The following DTWD2 variants were observed in gnomAD, a reference collection of about 807,000 sequenced individuals.
The protein encoded by DTWD2 is tRNA-uridine aminocarboxypropyltransferase 2.
Under a neutral mutation model 31.8 loss-of-function variants are expected in DTWD2, and 39 were observed. The ratio of observed to expected loss-of-function variants is 1.22; its 90% CI spans 0.95 to 1.60. DTWD2 has a LOEUF of 1.60. DTWD2 is among the 40% of genes most tolerant of loss of function. The pLI is 0.00. For synonymous variants in DTWD2, 180 were observed against 142.8 expected, an observed-to-expected ratio of 1.26 and a Z score of -1.86; for missense variants, 515 against 381.5, an observed-to-expected ratio of 1.35 and a Z score of -2.92.
chr5:118,957,713 C>T (rs1390334800), intron 1 of DTWD2, among the ~76,000 whole-genome samples: 1 of 152,156 alleles, frequency 6.6e-6, no homozygotes, highest in Non-Finnish European at 1.5e-5. Flanking sequence ...GAGACTTGTG[C>T]CCCAGAGGGC....
intron 4 of DTWD2, among the ~76,000 whole-genome samples, chr5:118,923,500 T>C (rs1357686352): frequency 1.3e-5 from 2 of 152,134 alleles, no homozygotes; most frequent in African/African-American, 2.4e-5. Context: ...ACACACTGCA[T>C]GAGCTCCAAG....
At chr5:118,918,098 T>C (rs1417530539) in intron 4 of DTWD2, among the ~76,000 whole-genome samples, 1 of 152,180 alleles carries the variant, frequency 6.6e-6, no homozygotes, top group African/African-American at 2.4e-5. Context: ...AGATGAGATT[T>C]TGGGTGGGGA....
At chr5:118,944,362 T>A (rs2149586060) in intron 2 of DTWD2, among the ~76,000 whole-genome samples, 197 bp downstream of exon 2, 1 of 152,342 alleles carries the variant, frequency 6.6e-6, no homozygotes, top group Non-Finnish European at 1.5e-5. Context: ...TGTGAAATGG[T>A]ATCTCTCTCT....
chr5:118,975,785 T>C (rs913449429), intron 1 of DTWD2, among the ~76,000 whole-genome samples: 7 of 152,272 alleles, frequency 4.6e-5, no homozygotes, highest in Non-Finnish European at 4.4e-5. Context: ...GACCGATCAA[T>C]GAGACAGAAA....
At chr5:118,918,019 G>A (rs1224979176) in intron 4 of DTWD2, among the ~76,000 whole-genome samples, 1 of 151,806 alleles carries the variant, frequency 6.6e-6, no homozygotes, top group Admixed American at 6.6e-5. Flanking sequence ...AAACAGCATG[G>A]GGAACTGCCC....
Position 118,913,126 on chromosome 5 carries a change from G to T in DTWD2, c.597+15411C>A, listed in dbSNP as rs1056785280. Among the ~76,000 whole-genome samples, 10 of 152,178 alleles carry T rather than the reference G, an allele frequency of 6.6e-5. No homozygotes were observed. The East Asian group carries it at 1.7e-3, about 26-fold the overall frequency. On this transcript the variant is annotated intron_variant, in intron 4 of 5. Coordinates refer to ENST00000510708, the MANE Select transcript of DTWD2 (RefSeq NM_173666.4). Reference sequence around the variant, plus strand: ...CCTACTGCTCAGGGTCATCGCCAAGGTCTGATTGCAAAAATTCAAAATATT... The same window carrying T: ...CCTACTGCTCAGGGTCATCGCCAAGTTCTGATTGCAAAAATTCAAAATATT...
chr5:118,870,025 T>C (rs935131023), intron 4 of DTWD2, among the ~76,000 whole-genome samples: 8 of 152,174 alleles, frequency 5.3e-5, no homozygotes, highest in Admixed American at 5.2e-4. Flanking sequence ...GCTCCCTCTC[T>C]TGCCATGTGA....
intron 4 of DTWD2, among the ~76,000 whole-genome samples, chr5:118,912,076 A>G (rs114503888): frequency 0.028 from 4,303 of 152,302 alleles, 205 homozygotes; most frequent in African/African-American, 0.098. Flanking sequence ...CATCCATCAG[A>G]GGGGCACTGT....
chr5:118,987,839 C>G (rs1328148733), intron 1 of DTWD2, among the ~76,000 whole-genome samples: 1 of 152,088 alleles, frequency 6.6e-6, no homozygotes, highest in Non-Finnish European at 1.5e-5. Context: ...TGAAGAGAAC[C>G]TAGAATGAAC....
At chr5:118,932,125 G>A (rs1327156697) in intron 3 of DTWD2, among the ~76,000 whole-genome samples, 2 of 151,884 alleles carry the variant, frequency 1.3e-5, no homozygotes, top group Non-Finnish European at 2.9e-5. Context: ...TAAGAAAAAG[G>A]AAAGACCTGA....
At chr5:118,880,093 A>G (rs191650236) in intron 4 of DTWD2, among the ~76,000 whole-genome samples, 4 of 152,364 alleles carry the variant, frequency 2.6e-5, no homozygotes, top group Admixed American at 1.3e-4. Flanking sequence ...TTTGACAGTT[A>G]AAAGAGAGTT....
chr5:118,849,727 G>T (rs1419874243), intron 4 of DTWD2, among the ~76,000 whole-genome samples: 1 of 152,126 alleles, frequency 6.6e-6, no homozygotes, highest in Admixed American at 6.5e-5. Flanking sequence ...TCCTTTGCAG[G>T]GACATGGCTG....
At position 118,869,464 on chromosome 5, in the gene DTWD2, T is replaced by C. The variant is rs551052683; in HGVS notation, c.598-21246A>G. 2.6e-5 allele frequency among the ~76,000 whole-genome samples: 4 copies of C among 152,294 alleles called. No homozygotes were observed. In the South Asian group the frequency reaches 8.3e-4, roughly 32 times the overall value. ...GATAATTAAACAATACTAAGGAACC[T>C]AGACCACCCATACCCATACTAAAAC... On this transcript the variant is annotated intron_variant, in intron 4 of 5. Coordinates refer to ENST00000510708, the MANE Select transcript of DTWD2 (RefSeq NM_173666.4).
At position 118,909,818 on chromosome 5, in the gene DTWD2, A is replaced by G. The variant is rs146015844; in HGVS notation, c.597+18719T>C. ...ACGAGACACTGTGCCCCTGCCTCAG[A>G]CCTGAAGCCACTGTATTCCCCCGTA... On this transcript the variant is annotated intron_variant, in intron 4 of 5. Coordinates refer to ENST00000510708, the MANE Select transcript of DTWD2 (RefSeq NM_173666.4). 4.5e-3 allele frequency among the ~76,000 whole-genome samples: 687 copies of G among 152,282 alleles called. 2 individuals carry two copies. The highest frequency in any genetic ancestry group is 7.2e-3 in the Non-Finnish European group (488 of 68,022).
intron 4 of DTWD2, among the ~76,000 whole-genome samples, chr5:118,880,166 T>G (rs983965585): frequency 2.0e-5 from 3 of 152,212 alleles, no homozygotes; most frequent in Non-Finnish European, 2.9e-5. Flanking sequence ...TGTAAGCTAT[T>G]TGACATTTTT....
rs1385709460 is a variant in DTWD2 at position 118,860,177 on chromosome 5, C to CTA, written c.598-11960_598-11959insTA. Among the ~76,000 whole-genome samples, 4 of 149,328 alleles carry CTA rather than the reference C, an allele frequency of 2.7e-5. No homozygotes were observed. In the South Asian group the frequency reaches 6.3e-4, roughly 24 times the overall value. On this transcript the variant is annotated intron_variant, in intron 4 of 5. Coordinates refer to ENST00000510708, the MANE Select transcript of DTWD2 (RefSeq NM_173666.4). ...TTATATTAGTTATACTGCTATAACT[C>CTA]ATTATATATTATATAAAAGCATAGT...
chr5:118,847,533 A>G (rs918665097), intron 5 of DTWD2, among the ~76,000 whole-genome samples: 3 of 152,144 alleles, frequency 2.0e-5, no homozygotes, highest in African/African-American at 4.8e-5. Flanking sequence ...ATTATTAATT[A>G]TATATGAAAT....
At chr5:118,914,547 TAATAA>T (rs1414365085) in intron 4 of DTWD2, among the ~76,000 whole-genome samples, 2 of 148,592 alleles carry the variant, frequency 1.3e-5, no homozygotes, top group African/African-American at 5.3e-5. Flanking sequence ...ACAGTAAATA[TAATAA>T]GACATTAAAA....
At chr5:118,915,311 A>G (rs1402909897) in intron 4 of DTWD2, among the ~76,000 whole-genome samples, 6 of 152,134 alleles carry the variant, frequency 3.9e-5, no homozygotes, top group African/African-American at 1.4e-4. Flanking sequence ...CAGAAATAAA[A>G]ATAAGGATTC....
Sources: allele counts gnomAD v4.1 joint callset (sites outside exome capture counted in the v4.1 genomes callset), GRCh38; gene constraint gnomAD v4.1.1; transcripts MANE v1.5; gene names NCBI Gene and HGNC (gene_info 2026-07-23, HGNC 2026-07-21).